The following NDUFA7 variants were observed in gnomAD, a reference collection of about 807,000 sequenced individuals.
NDUFA7 encodes the protein NADH dehydrogenase [ubiquinone] 1 alpha subcomplex subunit 7.
NDUFA7 carries 18 observed loss-of-function variants against 14.2 expected under a neutral mutation model. The ratio of observed to expected loss-of-function variants is 1.27; its 90% CI spans 0.88 to 1.88. The LOEUF (loss-of-function observed/expected upper bound fraction) is 1.88, where lower values mean the gene tolerates loss of function less well. Among genes scored for constraint, NDUFA7 ranks in the 40% most tolerant of loss-of-function variants. NDUFA7 has a pLI of 0.00. For synonymous variants in NDUFA7, 75 were observed against 62.1 expected (o/e 1.21, Z -0.98); for missense variants, 172 against 147.3 (o/e 1.17, Z -0.87).
intron 3 of NDUFA7, among the ~76,000 whole-genome samples, chr19:8,313,238 T>C (rs1250329012): frequency 3.3e-5 from 5 of 151,570 alleles, no homozygotes; most frequent in African/African-American, 9.7e-5. Flanking sequence ...AGAGTTCTTT[T>C]TTTTTTTTTT....
chr19:8,314,116 G>A (rs1008529328), intron 3 of NDUFA7, among the ~76,000 whole-genome samples: 1 of 152,078 alleles, frequency 6.6e-6, no homozygotes, highest in East Asian at 1.9e-4. Context: ...GAGGTCAGGA[G>A]TTCAAGACCG....
chr19:8,316,267 G>A (rs1970232573), intron 3 of NDUFA7, among the ~76,000 whole-genome samples: 2 of 152,072 alleles, frequency 1.3e-5, no homozygotes. Context: ...CAAGGCTGCA[G>A]TGAGTGATGA....
chr19:8,316,737 G>C (rs1970240398), intron 2 of NDUFA7, 92 bp from the exon 3 acceptor site: 3 of 1,479,218 alleles, frequency 2.0e-6, no homozygotes, highest in Non-Finnish European at 2.8e-6. Flanking sequence ...CAAAATGTGG[G>C]ATCTACAGCC....
At chr19:8,316,452 GA>G (rs745859027) in intron 3 of NDUFA7, 43 bp downstream of exon 3, 1 of 1,604,326 alleles carries the variant, frequency 6.2e-7, no homozygotes, top group South Asian at 1.1e-5. Flanking sequence ...TGGGTTGCAG[GA>G]GGGGGCATGG....
intron 1 of NDUFA7, 154 bp from the exon 2 acceptor site, chr19:8,321,060 G>T: frequency 1.1e-6 from 1 of 942,570 alleles, no homozygotes; most frequent in South Asian, 1.5e-5. Context: ...TGCAGGTGAA[G>T]AGCAAAGCCA....
At chr19:8,310,188 G>A (rs36262), downstream of NDUFA7, among the ~76,000 whole-genome samples, 83,262 of 151,920 alleles carry the variant, frequency 0.55, 23,200 homozygotes, top group Middle Eastern at 0.63. Context: ...CCAACACTTC[G>A]GGAGGCAGAG....
At chr19:8,310,301 C>T (rs978712285), downstream of NDUFA7, among the ~76,000 whole-genome samples, 3 of 151,898 alleles carry the variant, frequency 2.0e-5, no homozygotes, top group Non-Finnish European at 4.4e-5. Flanking sequence ...TTGTGGCAGG[C>T]GCCTGTAATC....
At chr19:8,319,096 A>T (rs1022899651) in intron 2 of NDUFA7, among the ~76,000 whole-genome samples, 1 of 143,352 alleles carries the variant, frequency 7.0e-6, no homozygotes, top group African/African-American at 2.5e-5. Context: ...CCTGATAGAA[A>T]GCCAACTAGG....
rs755961344 is a variant in NDUFA7, at chr19:8,320,863, G to A, written c.95C>T (p.Ser32Phe). The A allele has an allele frequency of 3.7e-6, 6 of 1,613,652 alleles. No homozygotes were observed. The highest frequency in any genetic ancestry group is 1.1e-5 in the South Asian group (1 of 91,088). The change falls in exon 2 of 4, where the codon TCC becomes TTC. Residue 32 changes from serine (S) to phenylalanine (F), a missense_variant. By Grantham distance (155) the Ser-to-Phe change is radical. Coordinates refer to ENST00000301457, the MANE Select transcript of NDUFA7 (RefSeq NM_005001.5). Reference protein sequence around the residue: ...GKLQLRYQEISKRTQPPPKLP... With the variant: ...GKLQLRYQEIFKRTQPPPKLP... ...GCGAGCGGGGCCTGCTCACCGCTTG[G>A]AGATCTCCTGGTAGCGTAGCTGCAG...
chr19:8,312,293 A>C (rs4147649), intron 3 of NDUFA7, among the ~76,000 whole-genome samples: 17,461 of 152,130 alleles, frequency 0.11, 2,045 homozygotes, highest in African/African-American at 0.3. Flanking sequence ...GTGATGGAGG[A>C]GGCGCCCCAG....
rs188705106 is a variant in NDUFA7, at chr19:8,313,907, T to C, written c.252-2312A>G. ...AAATATTAATTATGAGGACTAACCC[T>C]CGTAACAGCTTTCTGAAGTAGATGC... is the stretch of plus-strand genomic sequence containing the variant. On this transcript the variant is annotated intron_variant, in intron 3 of 3. Coordinates refer to ENST00000301457, the MANE Select transcript of NDUFA7 (RefSeq NM_005001.5). Among the ~76,000 whole-genome samples, 386 of 152,348 alleles carry C rather than the reference T, an allele frequency of 2.5e-3. 1 individual carries two copies. The highest frequency in any genetic ancestry group is 3.9e-3 in the Non-Finnish European group (265 of 68,034).
intron 2 of NDUFA7, among the ~76,000 whole-genome samples, chr19:8,319,891 G>A (rs560898937): frequency 6.6e-6 from 1 of 151,956 alleles, no homozygotes; most frequent in Non-Finnish European, 1.5e-5. Flanking sequence ...TGTCACCCAG[G>A]CTGGAGTGCA....
chr19:8,315,690 AGC>A (rs1326047549), intron 3 of NDUFA7, among the ~76,000 whole-genome samples: 1 of 152,004 alleles, frequency 6.6e-6, no homozygotes, highest in African/African-American at 2.4e-5. Context: ...CCGTATGCTG[AGC>A]GCTGGTCCCC....
downstream of NDUFA7, among the ~76,000 whole-genome samples, chr19:8,309,464 ACT>A (rs1406387503): frequency 6.8e-6 from 1 of 147,878 alleles, no homozygotes. Context: ...ACAGAGTGAG[ACT>A]CTGTCTCAAA....
intron 1 of NDUFA7, 182 bp from the exon 2 acceptor site, chr19:8,321,088 T>C (rs1429283924): frequency 1.0e-5 from 9 of 866,538 alleles, no homozygotes; most frequent in Middle Eastern, 3.5e-4. Context: ...GGCCCACAGA[T>C]CCAAGGCTAA....
chr19:8,311,187 G>C (rs1168712146), downstream of NDUFA7: 1 of 174,774 alleles, frequency 5.7e-6, no homozygotes, highest in Admixed American at 6.3e-5. Flanking sequence ...TGCCTTCCCC[G>C]TTGAGCTACA....
In NDUFA7 at chr19:8,316,639, C is replaced by A. The variant is rs1970238630; in HGVS notation, c.108G>T (p.Gln36His). 1 of 1,613,868 alleles carries A rather than the reference C, an allele frequency of 6.2e-7. No individual in the cohort carries two copies. ...GACCCACAGGGAGCTTGGGAGGAGGCTGAGTTCTGAGGGGAAAAAAGATGA... is the reference window on the plus strand; with the variant it reads ...GACCCACAGGGAGCTTGGGAGGAGGATGAGTTCTGAGGGGAAAAAAGATGA... ...LRYQEISKRTQPPPKLPVGPS... is the reference protein window; with the variant it reads ...LRYQEISKRTHPPPKLPVGPS... The change falls in exon 3 of 4, where the codon CAG becomes CAT. Residue 36 changes from glutamine to histidine, a missense_variant. Gln to His is a conservative substitution (Grantham distance 24). Coordinates refer to ENST00000301457, the MANE Select transcript of NDUFA7 (RefSeq NM_005001.5).
At chr19:8,311,913 C>T (rs1970182983) in intron 3 of NDUFA7, among the ~76,000 whole-genome samples, 1 of 152,208 alleles carries the variant, frequency 6.6e-6, no homozygotes, top group Admixed American at 6.5e-5. Context: ...CACAAGGCCC[C>T]CACCCCCATT....
At chr19:8,311,656 A>G in intron 3 of NDUFA7, 61 bp from the exon 4 acceptor site, 7 of 1,411,658 alleles carry the variant, frequency 5.0e-6, no homozygotes, top group Admixed American at 3.8e-5. Context: ...GATCTGAGGG[A>G]GCCCACACCT....
Sources: gnomAD v4.1 joint callset for allele counts (sites outside exome capture counted in the v4.1 genomes callset) on GRCh38, gnomAD v4.1.1 for gene constraint, MANE v1.5 for transcripts, NCBI Gene and HGNC (gene_info 2026-07-23, HGNC 2026-07-21) for gene names.